The following ATRN variants were observed in gnomAD, a reference collection of about 807,000 sequenced individuals.
ATRN encodes the protein attractin-2.
A neutral mutation model predicts 178.7 loss-of-function variants in ATRN; 54 were observed. That is an observed-to-expected ratio of 0.30 (90% CI 0.24 to 0.38). The LOEUF (loss-of-function observed/expected upper bound fraction) is 0.38, where lower values mean the gene tolerates loss of function less well. Ranked by LOEUF, ATRN falls within the 10% of genes least tolerant of loss-of-function variation. The pLI is 1.00. For synonymous variants in ATRN, 636 were observed against 663.0 expected, an observed-to-expected ratio of 0.96 and a Z score of 0.63; for missense variants, 1,443 against 1,815.1, an observed-to-expected ratio of 0.79 and a Z score of 3.73.
intron 23 of ATRN, among the ~76,000 whole-genome samples, chr20:3,603,663 A>T (rs1018577064): frequency 1.3e-5 from 2 of 151,806 alleles, no homozygotes; most frequent in African/African-American, 4.8e-5. Context: ...CTAATTTTGT[A>T]TTTTTAGTAG....
chr20:3,594,983 A>G (rs993989161), intron 20 of ATRN, among the ~76,000 whole-genome samples: 1 of 152,160 alleles, frequency 6.6e-6, no homozygotes, highest in African/African-American at 2.4e-5. Context: ...TGTGGAAATG[A>G]TCCTCTTACC....
intron 1 of ATRN, among the ~76,000 whole-genome samples, chr20:3,527,125 T>C (rs890918767): frequency 2.6e-5 from 4 of 152,006 alleles, no homozygotes; most frequent in Admixed American, 6.6e-5. Flanking sequence ...AAAGAAACTA[T>C]CATCAGAGTG....
chr20:3,552,363 G>A (rs1483871509), intron 6 of ATRN, among the ~76,000 whole-genome samples: 1 of 152,106 alleles, frequency 6.6e-6, no homozygotes, highest in African/African-American at 2.4e-5. Context: ...TTCTGGCTGT[G>A]TACTAGGCAT....
chr20:3,598,201 A>G (rs777612505), intron 22 of ATRN, among the ~76,000 whole-genome samples: 1 of 152,232 alleles, frequency 6.6e-6, no homozygotes, highest in Admixed American at 6.5e-5. Context: ...AATAAGATTT[A>G]CCAGGATCTT....
At chr20:3,565,506 G>T (rs560419031) in intron 11 of ATRN, 74 bp downstream of exon 11, 2 of 1,327,874 alleles carry the variant, frequency 1.5e-6, no homozygotes, top group Non-Finnish European at 2.1e-6. Context: ...GGTGGCTCAC[G>T]CCTGTAATTC....
At chr20:3,639,863 A>G (rs2146325876) in intron 27 of ATRN, among the ~76,000 whole-genome samples, 1 of 152,312 alleles carries the variant, frequency 6.6e-6, no homozygotes, top group Admixed American at 6.5e-5. Context: ...GATTTGTCCT[A>G]AGTGGTTCCA....
intron 1 of ATRN, among the ~76,000 whole-genome samples, chr20:3,502,308 C>T (rs960110087): frequency 2.6e-5 from 4 of 152,226 alleles, no homozygotes; most frequent in Admixed American, 2.0e-4. Context: ...TCCTGCTCTT[C>T]CCTGCTAAGT....
chr20:3,633,158 C>CAGAG (rs10692471), intron 25 of ATRN, among the ~76,000 whole-genome samples: 69,342 of 151,682 alleles, frequency 0.46, 17,148 homozygotes, highest in African/African-American at 0.65. Context: ...TGTAGACTGT[C>CAGAG]AGAAGAGTTG....
At chr20:3,590,386 T>C (rs575091143) in intron 18 of ATRN, among the ~76,000 whole-genome samples, 2 of 152,344 alleles carry the variant, frequency 1.3e-5, no homozygotes, top group South Asian at 4.1e-4. Flanking sequence ...AGATTTTGCT[T>C]ACAGTGCAGG....
At chr20:3,621,825 G>A (rs189006556) in intron 24 of ATRN, among the ~76,000 whole-genome samples, 172 of 150,988 alleles carry the variant, frequency 1.1e-3, no homozygotes, top group African/African-American at 3.9e-3. Flanking sequence ...CAATCATGAA[G>A]CAGGTATGGT....
In ATRN at chr20:3,471,024, C is replaced by G; in HGVS notation, c.-84C>G. The G allele has an allele frequency of 7.1e-7, 1 of 1,400,464 alleles. No individual in the cohort carries two copies. The highest frequency in any genetic ancestry group is 9.2e-7 in the Non-Finnish European group (1 of 1,081,962). The allele number at this position is 1,400,464 out of a possible 1,614,324, so 86.8% of individuals were successfully genotyped here. ...CGCACGAGCCACCGTCCGCACAGCC[C>G]CGCCCCGCACGGCCAGGCGAAGCGG... On this transcript the variant is annotated 5_prime_UTR_variant, in exon 1 of 29. Transcript: ENST00000262919.
chr20:3,531,997 G>A (rs1172308326), intron 1 of ATRN, among the ~76,000 whole-genome samples: 1 of 152,114 alleles, frequency 6.6e-6, no homozygotes, highest in Non-Finnish European at 1.5e-5. Flanking sequence ...AGGCATAGTG[G>A]TGTGTGCCTG....
chr20:3,629,336 T>G (rs2086972338), intron 25 of ATRN: 2 of 979,834 alleles, frequency 2.0e-6, no homozygotes, highest in African/African-American at 3.5e-5. Flanking sequence ...TGCACTCTTC[T>G]CTTCCACATT....
rs760198083 is a variant in ATRN at position 3,645,473 on chromosome 20, G to A, written c.4165+1205G>A. ...AGTGCAGTTTGTGTCTCCTGCCACC[G>A]CCCAGCCCAGCAAACAGTGGCTGGT... On this transcript the variant is annotated intron_variant, in intron 28 of 28. Coordinates refer to ENST00000262919, the MANE Select transcript of ATRN (RefSeq NM_139321.3). The surrounding 1 kb of genome is among the most constrained non-coding windows in gnomAD (Gnocchi z 4.7). 7.2e-5 allele frequency among the ~76,000 whole-genome samples: 11 copies of A among 152,174 alleles called. No individual in the cohort carries two copies. Among genetic ancestry groups the A allele is most frequent in the African/African-American group, 2.4e-4 (10 of 41,424 alleles).
chr20:3,497,952 G>T (rs554274837), intron 1 of ATRN, among the ~76,000 whole-genome samples: 25 of 151,262 alleles, frequency 1.7e-4, no homozygotes, highest in Admixed American at 1.5e-3. Context: ...GACTAATAAA[G>T]AAAAAAAGAA....
chr20:3,639,933 C>T (rs951855811), intron 27 of ATRN, among the ~76,000 whole-genome samples: 1 of 152,120 alleles, frequency 6.6e-6, no homozygotes, highest in Admixed American at 6.6e-5. Flanking sequence ...AAAACATCTT[C>T]AATTCAGCGC....
rs374314407 is a variant in ATRN at position 3,472,501 on chromosome 20, A to T, written c.410+984A>T. Among the ~76,000 whole-genome samples the T allele has an allele frequency of 7.9e-5, 12 of 152,330 alleles. No individual in the cohort carries two copies. In the East Asian group the frequency reaches 2.3e-3, roughly 29 times the overall value. ...CTGCTCTCATTGACCTTAACATTCT[A>T]GTGGGAGCAACAGGCACTTAACAAG... On this transcript the variant is annotated intron_variant, in intron 1 of 28. Transcript: ENST00000262919.
intron 1 of ATRN, among the ~76,000 whole-genome samples, chr20:3,486,011 A>G (rs191549982): frequency 1.1e-4 from 16 of 152,304 alleles, no homozygotes; most frequent in South Asian, 4.1e-4. Flanking sequence ...TTGAATGCTC[A>G]TATAGCTGGG....
chr20:3,607,770 A>T (rs1206647334), intron 24 of ATRN, among the ~76,000 whole-genome samples: 1 of 151,950 alleles, frequency 6.6e-6, no homozygotes, highest in Non-Finnish European at 1.5e-5. Flanking sequence ...CATGTGGTGG[A>T]TCTATTATGA....
Sources: allele counts gnomAD v4.1 joint callset (sites outside exome capture counted in the v4.1 genomes callset), GRCh38; gene constraint gnomAD v4.1.1; non-coding constraint Gnocchi (gnomAD v3.1); transcripts MANE v1.5; gene names NCBI Gene and HGNC (gene_info 2026-07-23, HGNC 2026-07-21).